Variants in PTPN4 observed in about 807,000 individuals in gnomAD.
PTPN4 encodes the protein protein tyrosine phosphatase non-receptor type 4.
PTPN4 carries 49 observed loss-of-function variants against 135.5 expected under a neutral mutation model. The observed-to-expected ratio is 0.36, with a 90% CI of 0.29 to 0.46. The LOEUF is 0.46. Ranked by LOEUF, PTPN4 falls within the 20% of genes least tolerant of loss-of-function variation. The pLI, the probability that PTPN4 is intolerant of heterozygous loss-of-function variation, is 1.00. For synonymous variants in PTPN4, 333 were observed against 369.9 expected, an observed-to-expected ratio of 0.90 and a Z score of 1.14; for missense variants, 860 against 1,101.0, an observed-to-expected ratio of 0.78 and a Z score of 3.10.
intron 14 of PTPN4, among the ~76,000 whole-genome samples, chr2:119,933,983 C>T (rs1678945364): frequency 6.6e-6 from 1 of 152,200 alleles, no homozygotes; most frequent in Non-Finnish European, 1.5e-5. Flanking sequence ...ACCAGCAACA[C>T]TAAACAATAA....
chr2:119,816,050 G>T (rs769945024), intron 2 of PTPN4, among the ~76,000 whole-genome samples: 1 of 152,098 alleles, frequency 6.6e-6, no homozygotes. Flanking sequence ...GAAATGTGTC[G>T]TTAGGTGATT....
intron 12 of PTPN4, among the ~76,000 whole-genome samples, chr2:119,923,110 G>A (rs1235449954): frequency 6.6e-6 from 1 of 152,162 alleles, no homozygotes; most frequent in Non-Finnish European, 1.5e-5. Context: ...CCAGGCATGG[G>A]GGCCTGTAAT....
At chr2:119,830,033 T>C (rs1366520831) in intron 2 of PTPN4, among the ~76,000 whole-genome samples, 2 of 152,156 alleles carry the variant, frequency 1.3e-5, no homozygotes, top group African/African-American at 2.4e-5. Flanking sequence ...AGTGGTTACA[T>C]TGTAACCATT....
intron 2 of PTPN4, among the ~76,000 whole-genome samples, chr2:119,819,687 A>G (rs778857600): frequency 5.9e-5 from 9 of 152,242 alleles, no homozygotes; most frequent in Admixed American, 3.3e-4. Context: ...TGATCTGGGC[A>G]TAGCCGTTGT....
intron 3 of PTPN4, among the ~76,000 whole-genome samples, chr2:119,867,784 C>G (rs1558749467): frequency 6.6e-6 from 1 of 152,180 alleles, no homozygotes; most frequent in Non-Finnish European, 1.5e-5. Context: ...TGAGACCTTG[C>G]TAATACACAT....
intron 2 of PTPN4, among the ~76,000 whole-genome samples, chr2:119,844,864 A>T (rs1351567443): frequency 1.3e-5 from 2 of 150,846 alleles, no homozygotes; most frequent in Non-Finnish European, 3.0e-5. Flanking sequence ...AGCCGGGCAG[A>T]GGCTGCAATC....
At chr2:119,877,276 A>G (rs1039843267) in intron 3 of PTPN4, 47 bp from the exon 4 acceptor site, 4 of 1,571,414 alleles carry the variant, frequency 2.5e-6, no homozygotes, top group Non-Finnish European at 3.5e-6. Context: ...TCAATATAGT[A>G]GTTCCTCAAG....
intron 3 of PTPN4, among the ~76,000 whole-genome samples, chr2:119,870,160 G>A (rs548667656): frequency 2.6e-4 from 39 of 152,258 alleles, no homozygotes; most frequent in African/African-American, 9.4e-4. Flanking sequence ...TAACTGGTAA[G>A]ACTTAGAGCT....
intron 18 of PTPN4, among the ~76,000 whole-genome samples, chr2:119,948,316 A>G (rs950864998): frequency 6.6e-6 from 1 of 152,148 alleles, no homozygotes; most frequent in African/African-American, 2.4e-5. Context: ...TAAAGTGTTG[A>G]AAAAAGTTGC....
At chr2:119,818,661 A>G (rs1479007665) in intron 2 of PTPN4, among the ~76,000 whole-genome samples, 1 of 152,188 alleles carries the variant, frequency 6.6e-6, no homozygotes, top group Admixed American at 6.5e-5. Flanking sequence ...TTTATAGGAA[A>G]GGTTTGGACT....
At chr2:119,946,980 A>G (rs1052478485) in intron 18 of PTPN4, among the ~76,000 whole-genome samples, 2 of 152,168 alleles carry the variant, frequency 1.3e-5, no homozygotes, top group African/African-American at 4.8e-5. Flanking sequence ...TGATACTACA[A>G]GGATAATTTT....
chr2:119,791,996 T>C (rs1691158241), intron 1 of PTPN4, among the ~76,000 whole-genome samples: 2 of 152,182 alleles, frequency 1.3e-5, no homozygotes, highest in Non-Finnish European at 2.9e-5. Flanking sequence ...TTGTTTTGTT[T>C]TCAGTCTATT....
intron 2 of PTPN4, among the ~76,000 whole-genome samples, chr2:119,821,904 TCTGATA>T (rs1479844207): frequency 3.9e-5 from 6 of 152,126 alleles, no homozygotes; most frequent in African/African-American, 1.4e-4. Context: ...TGATGAGGAG[TCTGATA>T]CTATTTCAAT....
At chr2:119,897,822 G>C (rs2105013120) in intron 9 of PTPN4, among the ~76,000 whole-genome samples, 1 of 152,220 alleles carries the variant, frequency 6.6e-6, no homozygotes, top group Non-Finnish European at 1.5e-5. Context: ...TAATATGACT[G>C]GCTAAGTGTA....
intron 2 of PTPN4, among the ~76,000 whole-genome samples, chr2:119,859,202 C>G (rs928302319): frequency 1.3e-5 from 2 of 152,016 alleles, no homozygotes; most frequent in African/African-American, 2.4e-5. Flanking sequence ...TGACTGCTTC[C>G]AAATCTTTGT....
intron 2 of PTPN4, among the ~76,000 whole-genome samples, chr2:119,820,830 A>C: frequency 6.7e-6 from 1 of 148,310 alleles, no homozygotes; most frequent in East Asian, 2.0e-4. Flanking sequence ...CTGGACTTGC[A>C]CATATATATA....
intron 26 of PTPN4, among the ~76,000 whole-genome samples, chr2:119,968,669 G>A (rs1416451541): frequency 1.3e-5 from 2 of 152,096 alleles, no homozygotes; most frequent in African/African-American, 4.8e-5. Flanking sequence ...GTGGGCACCT[G>A]TAGTCCCAGC....
At chr2:119,842,228 G>A (rs941525871) in intron 2 of PTPN4, among the ~76,000 whole-genome samples, 2 of 152,114 alleles carry the variant, frequency 1.3e-5, no homozygotes, top group Non-Finnish European at 2.9e-5. Flanking sequence ...ATCTAAGGAA[G>A]CACGTGTGCA....
At chr2:119,862,408 A>G in intron 2 of PTPN4, 128 bp from the exon 3 acceptor site, 1 of 730,724 alleles carries the variant, frequency 1.4e-6, no homozygotes, top group Non-Finnish European at 2.2e-6. Context: ...GATTTTTCAC[A>G]CAAAAAACGT....
Sources: gnomAD v4.1 joint callset for allele counts (sites outside exome capture counted in the v4.1 genomes callset) on GRCh38, gnomAD v4.1.1 for gene constraint, MANE v1.5 for transcripts, NCBI Gene and HGNC (gene_info 2026-07-23, HGNC 2026-07-21) for gene names.